The following COQ9 variants were observed in gnomAD, a reference collection of about 807,000 sequenced individuals.
The protein encoded by COQ9 is ubiquinone biosynthesis protein COQ9, mitochondrial.
COQ9 carries 35 observed loss-of-function variants against 42.4 expected under a neutral mutation model. The observed-to-expected ratio is 0.83, with a 90% CI of 0.63 to 1.10. The LOEUF is 1.10. Among genes scored for constraint, COQ9 ranks in the 50% least tolerant of loss-of-function variants. The probability of loss-of-function intolerance (pLI) is 0.00; values close to 1 mark genes in which losing one functional copy is unlikely to be tolerated. For missense variants in COQ9, 406 were observed against 414.6 expected (o/e 0.98, Z 0.18); for synonymous variants, 155 against 155.1 (o/e 1.00, Z 0.00).
Position 57,451,076 on chromosome 16 carries a change from T to TC in COQ9, c.112dup (p.His38ProfsTer12). 6.2e-7 allele frequency: 1 copy of TC among 1,614,170 alleles called. No individual in the cohort carries two copies. Among genetic ancestry groups the TC allele is most frequent in the Middle Eastern group, 1.7e-4 (1 of 6,056 alleles). ...CGACAAGCCCTGGTGCCGCGTGCCT[T>TC]CCATGCTTCAGCTGTGGGGCTAAGG... On this transcript the variant is annotated frameshift_variant, in exon 2 of 9. Transcript: ENST00000262507. LOFTEE classifies it high-confidence loss of function.
chr16:57,455,490 T>G lies in COQ9; in HGVS notation c.379-1014T>G, dbSNP rs1385230970. ...TCATATGAGAGGGGAGTCCAGACTC[T>G]CAAGGAACGCGGACATTTAAGGGGA... On this transcript the variant is annotated intron_variant, in intron 3 of 8. Coordinates refer to ENST00000262507, the MANE Select transcript of COQ9 (RefSeq NM_020312.4). Among the ~76,000 whole-genome samples, 8 of 151,446 alleles carry G rather than the reference T, an allele frequency of 5.3e-5. No homozygotes were observed. The East Asian group carries it at 1.4e-3, about 26-fold the overall frequency.
At chr16:57,453,004 G>T (rs566868121) in intron 3 of COQ9, 68 bp downstream of exon 3, 2 of 1,599,704 alleles carry the variant, frequency 1.3e-6, no homozygotes, top group Non-Finnish European at 8.6e-7. Flanking sequence ...CAGGCAGAGC[G>T]GGGGGCCTCA....
Position 57,461,212 on chromosome 16 carries a change from T to C in COQ9, c.*588T>C, listed in dbSNP as rs1271017603. On this transcript the variant is annotated 3_prime_UTR_variant, in exon 9 of 9. Coordinates refer to ENST00000262507, the MANE Select transcript of COQ9 (RefSeq NM_020312.4). ...TGGTGTCACATGACACCAGCATGCA[T>C]TGCAGGATTATTAGTGTATTTTGAG... 3 of 452,724 alleles carry C rather than the reference T, an allele frequency of 6.6e-6. No homozygotes were observed. The highest frequency in any genetic ancestry group is 2.4e-5 in the Admixed American group (1 of 42,236). The allele number at this position is 452,724 out of a possible 1,614,324, so 28.0% of individuals were successfully genotyped here.
intron 5 of COQ9, among the ~76,000 whole-genome samples, chr16:57,457,712 C>T (rs1271644560): frequency 6.6e-6 from 1 of 152,208 alleles, no homozygotes; most frequent in African/African-American, 2.4e-5. Context: ...GCAGTTAAAG[C>T]AGTGGAAGTG....
intron 3 of COQ9, among the ~76,000 whole-genome samples, chr16:57,455,397 T>A (rs948776107): frequency 7.0e-6 from 1 of 142,866 alleles, no homozygotes. Flanking sequence ...CACGCTGATT[T>A]TATATATATA....
intron 3 of COQ9, among the ~76,000 whole-genome samples, chr16:57,454,958 A>G (rs137923424): frequency 5.3e-5 from 8 of 152,302 alleles, no homozygotes; most frequent in Admixed American, 2.0e-4. Context: ...TCTAAGAACA[A>G]TTGAAGATAT....
At chr16:57,458,032 T>G in intron 5 of COQ9, 2 of 580,562 alleles carry the variant, frequency 3.4e-6, no homozygotes, top group Non-Finnish European at 6.3e-6. Flanking sequence ...AGAATGTGCT[T>G]GGGCTTGCAT....
intron 5 of COQ9, 133 bp from the exon 6 acceptor site, chr16:57,458,113 T>C: frequency 2.8e-6 from 2 of 717,346 alleles, no homozygotes; most frequent in South Asian, 1.5e-5. Flanking sequence ...CTCACGCCAG[T>C]GGGTGAAGAT....
chr16:57,452,486 A>T (rs1028239488), intron 2 of COQ9, among the ~76,000 whole-genome samples: 2 of 152,198 alleles, frequency 1.3e-5, no homozygotes, highest in African/African-American at 4.8e-5. Flanking sequence ...TACTAAAAAT[A>T]CAAAAATTAG....
chr16:57,450,083 T>TGTTC (rs1295608281), intron 1 of COQ9, among the ~76,000 whole-genome samples: 2 of 152,122 alleles, frequency 1.3e-5, no homozygotes, highest in African/African-American at 2.4e-5. Context: ...GATATACAGG[T>TGTTC]GTTCATTCCA....
At position 57,449,517 on chromosome 16, in the gene COQ9, T is replaced by C. The variant is rs72780627; in HGVS notation, c.74-1523T>C. On this transcript the variant is annotated intron_variant, in intron 1 of 8. Transcript: ENST00000262507. ...TACTAAGTGGTCCAGGTGTGGTGGC[T>C]CACACCTGTAATCCCAGCACTTTGG... is the stretch of plus-strand genomic sequence containing the variant. Among the ~76,000 whole-genome samples, 698 of 152,190 alleles carry C rather than the reference T, an allele frequency of 4.6e-3. 4 individuals are homozygous for C. Among genetic ancestry groups the C allele is most frequent in the Non-Finnish European group, 6.8e-3 (462 of 67,992 alleles).
chr16:57,459,833 C>G, intron 7 of COQ9, 113 bp downstream of exon 7: 1 of 1,286,316 alleles, frequency 7.8e-7, no homozygotes, highest in Non-Finnish European at 1.1e-6. Flanking sequence ...GAGGGCCTTC[C>G]CAAGGGCCTG....
At position 57,460,629 on chromosome 16, in the gene COQ9, A is replaced by G; in HGVS notation, c.*5A>G. 6.2e-7 allele frequency: 1 copy of G among 1,613,148 alleles called. No individual in the cohort carries two copies. The highest frequency in any genetic ancestry group is 8.5e-7 in the Non-Finnish European group (1 of 1,179,118). ...GGTCTAAACCAGCGTCGGTGAGAGG[A>G]AGGGGTATAAGCTACAATGCCTAGA... is the stretch of plus-strand genomic sequence containing the variant. On this transcript the variant is annotated 3_prime_UTR_variant, in exon 9 of 9. Transcript: ENST00000262507.
chr16:57,448,350 T>C (rs2030188759), intron 1 of COQ9, among the ~76,000 whole-genome samples: 1 of 151,720 alleles, frequency 6.6e-6, no homozygotes, highest in African/African-American at 2.4e-5. Context: ...TTTTCTTTTT[T>C]TTTTTTTTCT....
At chr16:57,448,083 T>C (rs140474123) in intron 1 of COQ9, among the ~76,000 whole-genome samples, 2 of 152,362 alleles carry the variant, frequency 1.3e-5, no homozygotes, top group East Asian at 1.9e-4. Flanking sequence ...GAGGAAACTT[T>C]ATATCATTGT....
chr16:57,458,129 T>A, intron 5 of COQ9, 117 bp from the exon 6 acceptor site: 1 of 767,118 alleles, frequency 1.3e-6, no homozygotes, highest in Non-Finnish European at 2.3e-6. Flanking sequence ...AAGATGCTGG[T>A]CTCAGAGAAC....
rs774168768 is a variant in COQ9 at position 57,456,600 on chromosome 16, C to T, written c.475C>T (p.Arg159Cys). ...GACCCAGTGCAATACCCGGCTCACA[C>T]GTGTGCTAGAAGAGGAGCAGAAGCT... ...FVTQCNTRLT[R>C]VLEEEQKLVQ... is the part of the protein sequence containing the mutation. The change falls in exon 4 of 9, where the codon CGT becomes TGT. Residue 159 changes from arginine to cysteine, a missense_variant. Physicochemically the swap from Arg to Cys is radical, Grantham distance 180 (BLOSUM62 -3). Transcript: ENST00000262507. The T allele has an allele frequency of 5.0e-6, 8 of 1,614,012 alleles. No individual in the cohort carries two copies. The highest frequency in any genetic ancestry group is 6.8e-6 in the Non-Finnish European group (8 of 1,180,032).
At chr16:57,448,518 G>A (rs1037420365) in intron 1 of COQ9, among the ~76,000 whole-genome samples, 4 of 151,706 alleles carry the variant, frequency 2.6e-5, no homozygotes, top group Admixed American at 6.6e-5. Context: ...CTACCTCCTG[G>A]GTTCAAGTGA....
At chr16:57,456,355 C>T (rs1049375145) in intron 3 of COQ9, 149 bp from the exon 4 acceptor site, 38 of 815,466 alleles carry the variant, frequency 4.7e-5, no homozygotes, top group Middle Eastern at 3.4e-4. Flanking sequence ...GTGGAGGGAC[C>T]GGTGGTGGTC....
Sources: allele counts gnomAD v4.1 joint callset (sites outside exome capture counted in the v4.1 genomes callset), GRCh38; gene constraint gnomAD v4.1.1; transcripts MANE v1.5; gene names NCBI Gene and HGNC (gene_info 2026-07-23, HGNC 2026-07-21).